The following EVI5 variants were observed in gnomAD, a reference collection of about 807,000 sequenced individuals.
EVI5 encodes ecotropic viral integration site 5.
Under a neutral mutation model 112.0 loss-of-function variants are expected in EVI5, and 73 were observed. The ratio of observed to expected loss-of-function variants is 0.65; its 90% CI spans 0.54 to 0.79. The LOEUF is 0.79. EVI5 is among the 30% of genes least tolerant of loss of function. EVI5 has a pLI of 0.00. For synonymous variants in EVI5, 305 were observed against 319.9 expected (o/e 0.95, Z 0.50); for missense variants, 900 against 968.8 (o/e 0.93, Z 0.94).
intron 11 of EVI5, among the ~76,000 whole-genome samples, chr1:92,664,991 G>A (rs1664640581): frequency 6.6e-6 from 1 of 152,114 alleles, no homozygotes; most frequent in African/African-American, 2.4e-5. Context: ...CGGATCACGA[G>A]GTCAAGAGAT....
chr1:92,581,166 C>T (rs1244196798), intron 18 of EVI5, among the ~76,000 whole-genome samples: 1 of 152,192 alleles, frequency 6.6e-6, no homozygotes, highest in African/African-American at 2.4e-5. Flanking sequence ...AGATCTATTT[C>T]CTTTGCCTTC....
intron 18 of EVI5, among the ~76,000 whole-genome samples, chr1:92,590,132 G>C (rs1304729634): frequency 6.6e-6 from 1 of 152,140 alleles, no homozygotes; most frequent in Admixed American, 6.5e-5. Context: ...CATCATCGAA[G>C]ACCAAACGTA....
At chr1:92,669,921 C>T (rs1404901597) in intron 10 of EVI5, among the ~76,000 whole-genome samples, 1 of 151,636 alleles carries the variant, frequency 6.6e-6, no homozygotes, top group African/African-American at 2.4e-5. Flanking sequence ...AAATGTTTAT[C>T]TTGTACATTG....
At chr1:92,553,010 G>T (rs1451187114) in intron 19 of EVI5, among the ~76,000 whole-genome samples, 2 of 151,592 alleles carry the variant, frequency 1.3e-5, no homozygotes, top group African/African-American at 4.9e-5. Flanking sequence ...CCCATTGCAG[G>T]AATTACATAC....
intron 16 of EVI5, among the ~76,000 whole-genome samples, chr1:92,622,665 T>C (rs1654847908): frequency 1.3e-5 from 2 of 152,238 alleles, no homozygotes; most frequent in African/African-American, 4.8e-5. Flanking sequence ...TTATTTATTT[T>C]TCATTTATCA....
At chr1:92,770,785 A>C (rs1206417525) in intron 1 of EVI5, among the ~76,000 whole-genome samples, 12 of 151,834 alleles carry the variant, frequency 7.9e-5, no homozygotes, top group Non-Finnish European at 2.9e-5. Flanking sequence ...GCGGGACTCC[A>C]TCTCAAAAAA....
chr1:92,588,824 A>G (rs1444743359), intron 18 of EVI5, among the ~76,000 whole-genome samples: 1 of 152,278 alleles, frequency 6.6e-6, no homozygotes, highest in African/African-American at 2.4e-5. Flanking sequence ...AATAACATTT[A>G]AAGTCTAATT....
chr1:92,556,065 C>CT (rs771124421), intron 19 of EVI5, among the ~76,000 whole-genome samples: 259 of 140,810 alleles, frequency 1.8e-3, no homozygotes, highest in Middle Eastern at 3.6e-3. Context: ...TTCTTTCTTT[C>CT]TTTTTTTTTT....
chr1:92,516,325 AT>A (rs1659863973), intron 19 of EVI5, among the ~76,000 whole-genome samples: 1 of 152,200 alleles, frequency 6.6e-6, no homozygotes, highest in Non-Finnish European at 1.5e-5. Flanking sequence ...CTCTAACAAA[AT>A]TTATTGCAAT....
chr1:92,550,554 T>G (rs1483994858), intron 19 of EVI5, among the ~76,000 whole-genome samples: 1 of 149,520 alleles, frequency 6.7e-6, no homozygotes, highest in Non-Finnish European at 1.5e-5. Flanking sequence ...GAGACCATCC[T>G]GGCTAACACA....
chr1:92,673,175 TA>T (rs1476826713), intron 10 of EVI5, among the ~76,000 whole-genome samples: 1 of 137,192 alleles, frequency 7.3e-6, no homozygotes, highest in African/African-American at 2.7e-5. Flanking sequence ...GCAACTTAGA[TA>T]ACACTTCTCT....
intron 10 of EVI5, among the ~76,000 whole-genome samples, chr1:92,671,948 A>AT (rs1488076749): frequency 6.6e-6 from 1 of 151,650 alleles, no homozygotes; most frequent in African/African-American, 2.4e-5. Flanking sequence ...GACTACAGGC[A>AT]TGCACCACCA....
intron 10 of EVI5, among the ~76,000 whole-genome samples, chr1:92,667,478 T>C (rs1427313035): frequency 6.6e-6 from 1 of 152,152 alleles, no homozygotes; most frequent in African/African-American, 2.4e-5. Context: ...TTTACCTAAT[T>C]ATTCAATGCC....
intron 18 of EVI5, among the ~76,000 whole-genome samples, chr1:92,600,997 A>G (rs1649053418): frequency 6.6e-6 from 1 of 152,174 alleles, no homozygotes; most frequent in Non-Finnish European, 1.5e-5. Context: ...GAAAAAAGAG[A>G]GTCAAAAGTA....
chr1:92,549,080 C>T (rs1311419997), intron 19 of EVI5, among the ~76,000 whole-genome samples: 5 of 152,170 alleles, frequency 3.3e-5, no homozygotes, highest in African/African-American at 7.2e-5. Context: ...AGGCATCACG[C>T]TACCTGACTT....
intron 1 of EVI5, among the ~76,000 whole-genome samples, chr1:92,766,409 A>T (rs1169978463): frequency 1.3e-5 from 2 of 152,066 alleles, no homozygotes; most frequent in African/African-American, 2.4e-5. Flanking sequence ...TAAAAATACA[A>T]ATTCAGAACA....
intron 19 of EVI5, among the ~76,000 whole-genome samples, chr1:92,543,733 T>C (rs1665216210): frequency 6.6e-6 from 1 of 152,080 alleles, no homozygotes; most frequent in Non-Finnish European, 1.5e-5. Context: ...AGATCAATGA[T>C]CACAGATCAC....
chr1:92,719,855 G>C (rs1235702692), intron 2 of EVI5, among the ~76,000 whole-genome samples: 3 of 152,008 alleles, frequency 2.0e-5, no homozygotes, highest in Non-Finnish European at 4.4e-5. Context: ...CAAAATCAAT[G>C]TGCAAAAATC....
At chr1:92,686,568 T>G (rs889019456) in intron 9 of EVI5, among the ~76,000 whole-genome samples, 1 of 152,040 alleles carries the variant, frequency 6.6e-6, no homozygotes, top group African/African-American at 2.4e-5. Context: ...GAGAAAGAAA[T>G]ACAGGGTATT....
Sources: gnomAD v4.1 joint callset for allele counts (sites outside exome capture counted in the v4.1 genomes callset) on GRCh38, gnomAD v4.1.1 for gene constraint, MANE v1.5 for transcripts, NCBI Gene and HGNC (gene_info 2026-07-23, HGNC 2026-07-21) for gene names.